The following COPB2 variants were observed in gnomAD, a reference collection of about 807,000 sequenced individuals.
COPB2 encodes the protein coatomer subunit beta'.
COPB2 carries 16 observed loss-of-function variants against 120.8 expected under a neutral mutation model. That is an observed-to-expected ratio of 0.13 (90% CI 0.09 to 0.20). The LOEUF (loss-of-function observed/expected upper bound fraction) is 0.20, where lower values mean the gene tolerates loss of function less well. Among genes scored for constraint, COPB2 ranks in the 10% least tolerant of loss-of-function variants. COPB2 has a pLI of 1.00. For synonymous variants in COPB2, 332 were observed against 366.3 expected, an observed-to-expected ratio of 0.91 and a Z score of 1.07; for missense variants, 794 against 1,076.5, an observed-to-expected ratio of 0.74 and a Z score of 3.67.
intron 10 of COPB2, among the ~76,000 whole-genome samples, chr3:139,370,564 G>T (rs1389335693): frequency 6.6e-6 from 1 of 152,090 alleles, no homozygotes; most frequent in East Asian, 1.9e-4. Flanking sequence ...CAATAAGGGC[G>T]ATTTAAATAA....
chr3:139,382,967 T>C (rs1233897410), intron 2 of COPB2: 2 of 280,236 alleles, frequency 7.1e-6, no homozygotes, highest in East Asian at 9.2e-5. Flanking sequence ...ATTCTTAAGA[T>C]AGAGTATTCA....
Position 139,366,742 on chromosome 3 carries a change from G to A in COPB2, c.1710C>T (p.Asp570=). The change falls in exon 15 of 22, where the codon GAC becomes GAT. Residue 570 remains aspartate (D), a synonymous_variant. Transcript: ENST00000333188. ...TMYLLGYIPK[D]NRLYLGDKEL... ...CTTTATCCCCCAGATAAAGCCTGTT[G>A]TCTTTAGGAATGTAGCCTAGGAGAT... 6.2e-7 allele frequency: 1 copy of A among 1,613,992 alleles called. No individual in the cohort carries two copies. The highest frequency in any genetic ancestry group is 8.5e-7 in the Non-Finnish European group (1 of 1,179,950).
chr3:139,388,262 G>C (rs1446839450), intron 1 of COPB2: 1 of 152,064 alleles, frequency 6.6e-6, no homozygotes, highest in Admixed American at 6.5e-5. Flanking sequence ...GGGTGCCCAA[G>C]AAAGTCCACG....
intron 1 of COPB2, among the ~76,000 whole-genome samples, chr3:139,388,933 C>T (rs1941991961): frequency 6.6e-6 from 1 of 151,872 alleles, no homozygotes; most frequent in Non-Finnish European, 1.5e-5. Flanking sequence ...ACAAAGTGCT[C>T]TAACAATTAC....
At position 139,383,282 on chromosome 3, in the gene COPB2, C is replaced by T; in HGVS notation, c.141+16G>A. 6.2e-7 allele frequency: 1 copy of T among 1,613,318 alleles called. No homozygotes were observed. Among genetic ancestry groups the T allele is most frequent in the Non-Finnish European group, 8.5e-7 (1 of 1,179,426 alleles). On this transcript the variant is annotated intron_variant, in intron 2 of 21. Coordinates refer to ENST00000333188, the MANE Select transcript of COPB2 (RefSeq NM_004766.3). ...CATAGTATTTTATTTCTAATACAGT[C>T]CTGAAAAATTCCTACCTGTGTTTCA...
chr3:139,388,156 T>C (rs1941959765), intron 1 of COPB2: 1 of 152,154 alleles, frequency 6.6e-6, no homozygotes, highest in Admixed American at 6.5e-5. Context: ...AAACGTCCAT[T>C]ACTGCAACCA....
chr3:139,359,208 G>C lies in COPB2; in HGVS notation c.2304-30C>G, dbSNP rs201747100. ...TATAGACATCATGGAACCAAAGAGA[G>C]ACTAAGTAAATGTGCTCTCTTTTTA... On this transcript the variant is annotated intron_variant, in intron 18 of 21. Coordinates refer to ENST00000333188, the MANE Select transcript of COPB2 (RefSeq NM_004766.3). 3.7e-6 allele frequency: 6 copies of C among 1,611,660 alleles called. No homozygotes were observed. In the East Asian group the frequency reaches 1.1e-4, roughly 30 times the overall value.
Position 139,377,912 on chromosome 3 carries a change from T to G in COPB2, c.504+129A>C, listed in dbSNP as rs183392496. 582 of 812,948 alleles carry G rather than the reference T, an allele frequency of 7.2e-4. 1 individual carries two copies. Among genetic ancestry groups the G allele is most frequent in the Non-Finnish European group, 5.9e-4 (341 of 575,294 alleles). 50.4% of individuals were successfully genotyped at this position (812,948 alleles called of 1,614,324 possible). A position where few individuals can be genotyped will look rare whatever the true frequency, so the allele number is the denominator to read the frequency against. ...TTGGATTAAAATGAGAAATCCTATT[T>G]TGACTTCAAAACAGGCTTTTGAGGA... is the stretch of plus-strand genomic sequence containing the variant. On this transcript the variant is annotated intron_variant, in intron 5 of 21. Transcript: ENST00000333188.
chr3:139,386,139 T>C (rs9871030), intron 1 of COPB2, among the ~76,000 whole-genome samples: 57,832 of 152,094 alleles, frequency 0.38, 13,752 homozygotes, highest in Non-Finnish European at 0.53. Flanking sequence ...GCCTCCTTCA[T>C]TTTCAGCAAC....
At chr3:139,368,664 T>G (rs886791296) in intron 12 of COPB2, among the ~76,000 whole-genome samples, 1 of 152,168 alleles carries the variant, frequency 6.6e-6, no homozygotes, top group African/African-American at 2.4e-5. Context: ...CCCAATGAAA[T>G]TTTAATACCA....
chr3:139,361,473 G>T lies in COPB2; in HGVS notation c.1996-178C>A, dbSNP rs186511264. On this transcript the variant is annotated intron_variant, in intron 16 of 21. Coordinates refer to ENST00000333188, the MANE Select transcript of COPB2 (RefSeq NM_004766.3). Reference sequence around the variant, plus strand: ...CAGTGAGGAAATGGAAATTATTAATGTATACAAAATGAATTTAAACACAAA... The same window carrying T: ...CAGTGAGGAAATGGAAATTATTAATTTATACAAAATGAATTTAAACACAAA... Among the ~76,000 whole-genome samples, 670 of 152,276 alleles carry T rather than the reference G, an allele frequency of 4.4e-3. 1 individual carries two copies. Among genetic ancestry groups the T allele is most frequent in the African/African-American group, 0.014 (583 of 41,550 alleles).
intron 17 of COPB2, among the ~76,000 whole-genome samples, chr3:139,360,106 T>C (rs778206145): frequency 2.6e-5 from 4 of 152,026 alleles, no homozygotes. Flanking sequence ...ATAGGGTCTA[T>C]TCTTACAGGT....
intron 10 of COPB2, 46 bp downstream of exon 10, chr3:139,371,677 A>C (rs370995468): frequency 7.6e-5 from 115 of 1,503,680 alleles, no homozygotes; most frequent in Admixed American, 2.0e-4. Flanking sequence ...AGCACACAAC[A>C]CATCTGCAAT....
rs772009404 is a variant in COPB2 at position 139,357,814 on chromosome 3, C to G, written c.*49G>C. 4.0e-6 allele frequency: 4 copies of G among 1,006,716 alleles called. No individual in the cohort carries two copies. The East Asian group carries it at 1.0e-4, about 25-fold the overall frequency. The allele number at this position is 1,006,716 out of a possible 1,614,324, so 62.4% of individuals were successfully genotyped here. A position where few individuals can be genotyped will look rare whatever the true frequency, so the allele number is the denominator to read the frequency against. ...CTGTGGTCAGGGTAGCAATCAATAC[C>G]TATATATAATAATGATCTGTTTAGT... On this transcript the variant is annotated 3_prime_UTR_variant, in exon 22 of 22. Coordinates refer to ENST00000333188, the MANE Select transcript of COPB2 (RefSeq NM_004766.3).
Position 139,383,288 on chromosome 3 carries a change from A to T in COPB2, c.141+10T>A, listed in dbSNP as rs1428823321. On this transcript the variant is annotated intron_variant, in intron 2 of 21. Coordinates refer to ENST00000333188, the MANE Select transcript of COPB2 (RefSeq NM_004766.3). Reference sequence around the variant, plus strand: ...ATTTTATTTCTAATACAGTCCTGAAAAATTCCTACCTGTGTTTCATGATTC... The same window carrying T: ...ATTTTATTTCTAATACAGTCCTGAATAATTCCTACCTGTGTTTCATGATTC... The T allele has an allele frequency of 6.2e-7, 1 of 1,613,736 alleles. No individual in the cohort carries two copies. The highest frequency in any genetic ancestry group is 1.7e-5 in the Admixed American group (1 of 59,988).
rs1333967219 is a variant in COPB2 at position 139,357,909 on chromosome 3, A to G, written c.2675T>C (p.Ile892Thr). ...VDLDNLELEDIDTTDINLDED... is the reference protein window; with the variant it reads ...VDLDNLELEDTDTTDINLDED... ...ATCCAGATTGATATCTGTTGTGTCA[A>G]TATCTTCTAATTCCAAATTATCCAA... is the stretch of plus-strand genomic sequence containing the variant. The change falls in exon 22 of 22, where the codon ATT becomes ACT. Residue 892 changes from isoleucine (I) to threonine (T), a missense_variant. Physicochemically the swap from Ile to Thr is moderately conservative, Grantham distance 89. Coordinates refer to ENST00000333188, the MANE Select transcript of COPB2 (RefSeq NM_004766.3). 3 of 1,600,284 alleles carry G rather than the reference A, an allele frequency of 1.9e-6. No individual in the cohort carries two copies. Among genetic ancestry groups the G allele is most frequent in the African/African-American group, 2.7e-5 (2 of 74,710 alleles).
intron 15 of COPB2, 57 bp from the exon 16 acceptor site, chr3:139,362,574 T>TTATA (rs57549985): frequency 9.0e-6 from 7 of 778,098 alleles, no homozygotes; most frequent in African/African-American, 8.6e-5. Flanking sequence ...TATGTATGTT[T>TTATA]TATATATATA....
intron 19 of COPB2, 54 bp downstream of exon 19, chr3:139,358,944 T>G: frequency 1.3e-6 from 2 of 1,587,892 alleles, no homozygotes; most frequent in Non-Finnish European, 1.7e-6. Context: ...AAGTCCTGAA[T>G]GTACTTCCAC....
intron 1 of COPB2, among the ~76,000 whole-genome samples, chr3:139,384,230 T>A (rs1022453112): frequency 1.6e-4 from 25 of 152,352 alleles, no homozygotes; most frequent in African/African-American, 5.8e-4. Context: ...CTCTCATGCA[T>A]GTTTTTCTAC....
Sources: gnomAD v4.1 joint callset for allele counts (sites outside exome capture counted in the v4.1 genomes callset) on GRCh38, gnomAD v4.1.1 for gene constraint, MANE v1.5 for transcripts, NCBI Gene and HGNC (gene_info 2026-07-23, HGNC 2026-07-21) for gene names.